Variants in CROCC observed in about 807,000 individuals in gnomAD.
The protein encoded by CROCC is ciliary rootlet coiled-coil, rootletin.
A neutral mutation model predicts 245.2 loss-of-function variants in CROCC; 180 were observed. The observed-to-expected ratio is 0.73, with a 90% confidence interval of 0.65 to 0.83. The LOEUF (loss-of-function observed/expected upper bound fraction) is 0.83, where lower values mean the gene tolerates loss of function less well. CROCC is among the 40% of genes least tolerant of loss of function. The pLI, the probability that CROCC is intolerant of heterozygous loss-of-function variation, is 0.00. For synonymous variants in CROCC, 1,205 were observed against 1,241.6 expected (o/e 0.97, Z 0.62); for missense variants, 2,688 against 2,779.4 (o/e 0.97, Z 0.74).
intron 11 of CROCC, 112 bp downstream of exon 11, chr1:16,938,595 C>G (rs2075845156): frequency 9.3e-7 from 1 of 1,073,488 alleles, no homozygotes; most frequent in Non-Finnish European, 1.4e-6. Flanking sequence ...GGCCTGGGAC[C>G]CAGGCTGTAG....
At chr1:16,924,278 T>G (rs770443915) in intron 2 of CROCC, 47 bp from the exon 3 acceptor site, 47 of 1,593,802 alleles carry the variant, frequency 2.9e-5, no homozygotes, top group Non-Finnish European at 3.9e-5. Context: ...GGGGAGGATG[T>G]CCCACTGGAC....
chr1:16,954,912 C>A lies in CROCC; in HGVS notation c.3465+35C>A. ...CGCCCCCCTCTTCCAAGCAGCATAC[C>A]CTAAATGGCACTGTGTGCCTGGGGG... On this transcript the variant is annotated intron_variant, in intron 23 of 36. Coordinates refer to ENST00000375541, the MANE Select transcript of CROCC (RefSeq NM_014675.5). The surrounding 1 kb of genome is among the most constrained non-coding windows in gnomAD (Gnocchi z 4.4). The A allele has an allele frequency of 6.7e-7, 1 of 1,491,314 alleles. No individual in the cohort carries two copies. Among genetic ancestry groups the A allele is most frequent in the South Asian group, 1.3e-5 (1 of 77,508 alleles). The allele number at this position is 1,491,314 out of a possible 1,614,324, so 92.4% of individuals were successfully genotyped here. A position where few individuals can be genotyped will look rare whatever the true frequency, so the allele number is the denominator to read the frequency against.
At chr1:16,922,855 T>C in intron 2 of CROCC, 57 bp downstream of exon 2, 1 of 1,580,758 alleles carries the variant, frequency 6.3e-7, no homozygotes, top group East Asian at 2.2e-5. Flanking sequence ...CCTCTTCTCA[T>C]GTCCCTTTCC....
In CROCC at chr1:16,944,103, G is replaced by T; in HGVS notation, c.1812G>T (p.Glu604Asp). ...LRSANELLSR[E>D]KSNLAHSLQV... ...TCCCCCTCCCCTTGTCCTGAAGGGA[G>T]AAGAGCAACCTGGCCCACAGCCTGC... Residue 604 changes from glutamate to aspartate, a missense_variant, in exon 14 of 37, where the codon GAG becomes GAT. Coordinates refer to ENST00000375541, the MANE Select transcript of CROCC (RefSeq NM_014675.5). 1.9e-6 allele frequency: 3 copies of T among 1,551,498 alleles called. No individual in the cohort carries two copies. The highest frequency in any genetic ancestry group is 2.6e-6 in the Non-Finnish European group (3 of 1,146,596).
chr1:16,928,539 C>A (rs1346461005), intron 3 of CROCC, among the ~76,000 whole-genome samples: 1 of 152,076 alleles, frequency 6.6e-6, no homozygotes, highest in Non-Finnish European at 1.5e-5. Context: ...TGCTGTGGCT[C>A]ACACCTGTAA....
intron 3 of CROCC, among the ~76,000 whole-genome samples, chr1:16,925,785 C>G (rs534262612): frequency 6.6e-6 from 1 of 152,388 alleles, no homozygotes; most frequent in South Asian, 2.1e-4. Context: ...TGTAGAGGAG[C>G]AGAGTAGGCG....
intron 3 of CROCC, among the ~76,000 whole-genome samples, chr1:16,928,698 G>A (rs1302754421): frequency 6.6e-6 from 1 of 151,974 alleles, no homozygotes; most frequent in East Asian, 1.9e-4. Flanking sequence ...AGCTACTTGG[G>A]AGACTGAGGC....
At chr1:16,930,615 A>C in intron 7 of CROCC, 21 bp downstream of exon 7, 2 of 1,595,054 alleles carry the variant, frequency 1.3e-6, no homozygotes, top group Non-Finnish European at 1.7e-6. Flanking sequence ...GGGTGCAGGG[A>C]GGCCAGCCTG....
intron 26 of CROCC, among the ~76,000 whole-genome samples, chr1:16,959,988 C>T (rs1003080033): frequency 1.3e-5 from 2 of 152,010 alleles, no homozygotes; most frequent in Non-Finnish European, 1.5e-5. Context: ...CAAAAACAGC[C>T]GGGCGCAGTG....
intron 25 of CROCC, among the ~76,000 whole-genome samples, chr1:16,956,987 C>T (rs1007197529): frequency 6.6e-6 from 1 of 152,216 alleles, no homozygotes; most frequent in Non-Finnish European, 1.5e-5. Flanking sequence ...GATATCACAA[C>T]CAGGCCAGGC....
chr1:16,942,387 T>C (rs1202758664), intron 13 of CROCC, among the ~76,000 whole-genome samples: 8 of 152,394 alleles, frequency 5.2e-5, no homozygotes, highest in Admixed American at 3.3e-4. Context: ...TCTTCATAAA[T>C]GTAACCATCT....
intron 16 of CROCC, among the ~76,000 whole-genome samples, 155 bp from the exon 17 acceptor site, chr1:16,946,606 T>C (rs1252302791): frequency 2.0e-5 from 3 of 152,228 alleles, no homozygotes; most frequent in African/African-American, 7.2e-5. Context: ...CCTCCTCATC[T>C]CCCCCTCCCC....
chr1:16,958,435 G>A (rs2076280406), intron 25 of CROCC, 148 bp from the exon 26 acceptor site: 2 of 946,700 alleles, frequency 2.1e-6, no homozygotes, highest in East Asian at 2.7e-5. Context: ...CAAGTTCAGT[G>A]TGGTTGTGTA....
chr1:16,944,438 A>C (rs1305098519), intron 14 of CROCC, among the ~76,000 whole-genome samples, 156 bp downstream of exon 14: 1 of 152,296 alleles, frequency 6.6e-6, no homozygotes, highest in Non-Finnish European at 1.5e-5. Context: ...CCATTTCAGG[A>C]AACTGGGGCT....
intron 2 of CROCC, among the ~76,000 whole-genome samples, chr1:16,923,674 C>CTTTTTTT (rs61063425): frequency 3.0e-4 from 31 of 103,502 alleles, no homozygotes; most frequent in East Asian, 8.1e-4. Context: ...ACTATTCTAC[C>CTTTTTTT]TTTTTTTTTT....
rs200866870 is a variant in CROCC at position 16,924,317 on chromosome 1, C to T, written c.197-8C>T. 148 of 1,611,084 alleles carry T rather than the reference C, an allele frequency of 9.2e-5. No homozygotes were observed. In the East Asian group the frequency reaches 3.2e-3, roughly 35 times the overall value. On this transcript the variant is annotated splice_polypyrimidine_tract_variant and splice_region_variant and intron_variant, in intron 2 of 36. Transcript: ENST00000375541. ...GAAGCCAACCATGTGCCCACTGTCC[C>T]TTGCCAGTCCTGCTGCCGGCCACAG...
intron 13 of CROCC, among the ~76,000 whole-genome samples, chr1:16,943,832 C>T (rs187517967): frequency 6.6e-6 from 1 of 152,402 alleles, no homozygotes; most frequent in East Asian, 1.9e-4. Context: ...AGCTCGGCCT[C>T]TTCTACCTGG....
At chr1:16,920,305 T>C (rs2075377183), upstream of CROCC, among the ~76,000 whole-genome samples, 1 of 152,220 alleles carries the variant, frequency 6.6e-6, no homozygotes, top group South Asian at 2.1e-4. Context: ...TCTTAATCTC[T>C]TGACCTCCTG....
At chr1:16,949,806 G>A (rs1360665568) in intron 19 of CROCC, among the ~76,000 whole-genome samples, 1 of 152,244 alleles carries the variant, frequency 6.6e-6, no homozygotes, top group African/African-American at 2.4e-5. Context: ...TTTCACTCTT[G>A]TTGCCCAGGC....
Sources: gnomAD v4.1 joint callset for allele counts (sites outside exome capture counted in the v4.1 genomes callset) on GRCh38, gnomAD v4.1.1 for gene constraint, Gnocchi (gnomAD v3.1) non-coding constraint, MANE v1.5 for transcripts, NCBI Gene and HGNC (gene_info 2026-07-23, HGNC 2026-07-21) for gene names.